ADAMTS2: variants seen among roughly 807,000 people sequenced by gnomAD.
The protein encoded by ADAMTS2 is ADAM metallopeptidase with thrombospondin type 1 motif 2, also known as A disintegrin and metalloproteinase with thrombospondin motifs 2.
ADAMTS2 carries 50 observed loss-of-function variants against 123.0 expected under a neutral mutation model. That is an observed-to-expected ratio of 0.41 (90% CI 0.32 to 0.51). The LOEUF (loss-of-function observed/expected upper bound fraction) is 0.51, where lower values mean the gene tolerates loss of function less well. Ranked by LOEUF, ADAMTS2 falls within the 20% of genes least tolerant of loss-of-function variation. The pLI is 0.35. For synonymous variants in ADAMTS2, 678 were observed against 695.4 expected, an observed-to-expected ratio of 0.98 and a Z score of 0.39; for missense variants, 1,494 against 1,705.2, an observed-to-expected ratio of 0.88 and a Z score of 2.18.
intron 10 of ADAMTS2, among the ~76,000 whole-genome samples, chr5:179,147,769 C>A (rs1036646710): frequency 6.6e-6 from 1 of 152,132 alleles, no homozygotes; most frequent in South Asian, 2.1e-4. Context: ...GCCAAAGCAG[C>A]AAAATGCCCA....
chr5:179,281,270 T>C (rs997752954), intron 2 of ADAMTS2, among the ~76,000 whole-genome samples: 3 of 152,226 alleles, frequency 2.0e-5, no homozygotes, highest in African/African-American at 4.8e-5. Context: ...TAACCACTAT[T>C]GATTTTAGAA....
At chr5:179,331,311 T>G (rs1366631976) in intron 2 of ADAMTS2, among the ~76,000 whole-genome samples, 2 of 106,928 alleles carry the variant, frequency 1.9e-5, no homozygotes, top group Non-Finnish European at 3.8e-5. Context: ...AAAGGGGAGA[T>G]GAGGGAGAAG....
chr5:179,266,443 T>C (rs1431201800), intron 3 of ADAMTS2, among the ~76,000 whole-genome samples: 2 of 152,010 alleles, frequency 1.3e-5, no homozygotes, highest in Admixed American at 1.3e-4. Flanking sequence ...ACTGCAGCAA[T>C]GTTGCCACAA....
At chr5:179,241,940 G>A (rs1765679756) in intron 3 of ADAMTS2, among the ~76,000 whole-genome samples, 1 of 152,140 alleles carries the variant, frequency 6.6e-6, no homozygotes, top group Admixed American at 6.5e-5. Flanking sequence ...TGTGTCTCTG[G>A]TGGATGGGTA....
chr5:179,343,671 G>T, intron 2 of ADAMTS2, 96 bp downstream of exon 2: 1 of 1,490,286 alleles, frequency 6.7e-7, no homozygotes, highest in Non-Finnish European at 9.0e-7. Context: ...AGTCCTCAGC[G>T]CAGGCCTTGC....
chr5:179,218,826 C>T (rs1326308362), intron 3 of ADAMTS2, among the ~76,000 whole-genome samples: 1 of 152,172 alleles, frequency 6.6e-6, no homozygotes, highest in African/African-American at 2.4e-5. Flanking sequence ...AAAGGAAGCA[C>T]TAAAGGAGAG....
At chr5:179,252,141 G>C (rs981227974) in intron 3 of ADAMTS2, among the ~76,000 whole-genome samples, 1 of 151,594 alleles carries the variant, frequency 6.6e-6, no homozygotes, top group African/African-American at 2.4e-5. Flanking sequence ...CCAAGTAGCT[G>C]GTTCCACAGG....
chr5:179,123,731 C>T (rs894697812), intron 19 of ADAMTS2, among the ~76,000 whole-genome samples: 3 of 152,360 alleles, frequency 2.0e-5, no homozygotes, highest in Admixed American at 6.5e-5. Flanking sequence ...GCCCGGCCAA[C>T]GCCTGTTTTC....
chr5:179,329,291 C>G (rs543650825), intron 2 of ADAMTS2, among the ~76,000 whole-genome samples: 4 of 148,774 alleles, frequency 2.7e-5, no homozygotes, highest in African/African-American at 9.9e-5. Context: ...AGTGCCACTG[C>G]GCTCCAGCCT....
rs1764957138 is a variant in ADAMTS2 at position 179,215,360 on chromosome 5, A to G, written c.689-7645T>C. Among the ~76,000 whole-genome samples the G allele has an allele frequency of 4.6e-5, 7 of 152,314 alleles. No individual in the cohort carries two copies. In the South Asian group the frequency reaches 1.5e-3, roughly 32 times the overall value. On this transcript the variant is annotated intron_variant, in intron 3 of 21. Transcript: ENST00000251582. ...CTACTCGGGAGGCTGAGGCAGGAGA[A>G]TCGCTTGAACCGGGGAGGCGGAGGC...
rs972654387 is a variant in ADAMTS2 at position 179,162,945 on chromosome 5, T to G, written c.976-4066A>C. On this transcript the variant is annotated intron_variant, in intron 5 of 21. Transcript: ENST00000251582. The surrounding 1 kb of genome is among the most constrained non-coding windows in gnomAD (Gnocchi z 5.1). ...TGGCGTCTGATCTGGGGGCAGCTGA[T>G]ATGTTCTGGGGGCAGTTTATATGCT... is the stretch of plus-strand genomic sequence containing the variant. Among the ~76,000 whole-genome samples the G allele has an allele frequency of 3.9e-5, 6 of 152,142 alleles. No individual in the cohort carries two copies. The highest frequency in any genetic ancestry group is 8.8e-5 in the Non-Finnish European group (6 of 68,026).
intron 5 of ADAMTS2, among the ~76,000 whole-genome samples, chr5:179,173,778 G>A (rs2113297645): frequency 6.6e-6 from 1 of 152,294 alleles, no homozygotes; most frequent in African/African-American, 2.4e-5. Context: ...CACTTTGGGA[G>A]GCCGAGGCGG....
intron 2 of ADAMTS2, among the ~76,000 whole-genome samples, chr5:179,306,365 A>AT (rs1045654266): frequency 2.6e-5 from 4 of 152,226 alleles, no homozygotes; most frequent in African/African-American, 9.6e-5. Flanking sequence ...AGGAAAAAAA[A>AT]TATGCTTATA....
intron 6 of ADAMTS2, among the ~76,000 whole-genome samples, chr5:179,156,961 C>CTTTTTTTTTTTTTT (rs70997667): frequency 2.8e-4 from 30 of 108,386 alleles, no homozygotes; most frequent in Non-Finnish European, 3.9e-4. Flanking sequence ...TTCATTTTTT[C>CTTTTTTTTTTTTTT]TTTTTTTTTT....
chr5:179,208,093 G>A (rs1401563664), intron 3 of ADAMTS2, among the ~76,000 whole-genome samples: 3 of 152,254 alleles, frequency 2.0e-5, no homozygotes, highest in Admixed American at 1.3e-4. Flanking sequence ...CAGCCATGGA[G>A]AGGTCGGGAA....
At chr5:179,154,735 C>T in intron 7 of ADAMTS2, 79 bp downstream of exon 7, 3 of 1,195,874 alleles carry the variant, frequency 2.5e-6, no homozygotes, top group Non-Finnish European at 3.6e-6. Flanking sequence ...CCTCTTAAGG[C>T]ACAGAGGAGA....
chr5:179,304,357 C>A (rs1029035172), intron 2 of ADAMTS2, among the ~76,000 whole-genome samples: 1 of 152,122 alleles, frequency 6.6e-6, no homozygotes, highest in East Asian at 1.9e-4. Context: ...GCAAATACAA[C>A]CAACAGATAA....
intron 2 of ADAMTS2, among the ~76,000 whole-genome samples, chr5:179,319,670 T>G (rs1490071014): frequency 1.3e-5 from 2 of 152,010 alleles, no homozygotes; most frequent in Non-Finnish European, 2.9e-5. Context: ...CACCTCATCC[T>G]ACCCCTCCCA....
intron 2 of ADAMTS2, among the ~76,000 whole-genome samples, chr5:179,302,168 G>C (rs1756541877): frequency 6.6e-6 from 1 of 152,042 alleles, no homozygotes; most frequent in South Asian, 2.1e-4. Context: ...TATGAAAATA[G>C]ACGGGGGTGA....
Sources: gnomAD v4.1 joint callset for allele counts (sites outside exome capture counted in the v4.1 genomes callset) on GRCh38, gnomAD v4.1.1 for gene constraint, Gnocchi (gnomAD v3.1) non-coding constraint, MANE v1.5 for transcripts, NCBI Gene and HGNC (gene_info 2026-07-23, HGNC 2026-07-21) for gene names.